The following GRIK2 variants were observed in gnomAD, a reference collection of about 807,000 sequenced individuals.
GRIK2 encodes glutamate receptor ionotropic, kainate 2.
A neutral mutation model predicts 100.3 loss-of-function variants in GRIK2; 32 were observed. The observed-to-expected ratio is 0.32, with a 90% CI of 0.24 to 0.43. The LOEUF (loss-of-function observed/expected upper bound fraction) is 0.43, where lower values mean the gene tolerates loss of function less well. Among genes scored for constraint, GRIK2 ranks in the 20% least tolerant of loss-of-function variants. GRIK2 has a pLI of 1.00. For missense variants in GRIK2, 843 were observed against 1,114.9 expected (o/e 0.76, Z 3.47); for synonymous variants, 417 against 389.4 (o/e 1.07, Z -0.83).
intron 2 of GRIK2, among the ~76,000 whole-genome samples, chr6:101,463,689 A>C (rs1456739728): frequency 6.6e-6 from 1 of 152,154 alleles, no homozygotes; most frequent in Non-Finnish European, 1.5e-5. Context: ...CGTTGCCTCT[A>C]TCCAAGGATG....
intron 2 of GRIK2, among the ~76,000 whole-genome samples, chr6:101,545,017 A>G (rs1288409070): frequency 6.6e-6 from 1 of 152,190 alleles, no homozygotes; most frequent in Non-Finnish European, 1.5e-5. Context: ...TATTTCTCTA[A>G]GTAGTATGTT....
At chr6:101,764,655 T>TTGAGGTC (rs1583103095) in intron 7 of GRIK2, among the ~76,000 whole-genome samples, 1 of 152,080 alleles carries the variant, frequency 6.6e-6, no homozygotes, top group East Asian at 1.9e-4. Context: ...ATCATCATTG[T>TTGAGGTC]TATTATTTTA....
At chr6:101,800,809 G>A (rs1340475017) in intron 8 of GRIK2, among the ~76,000 whole-genome samples, 1 of 152,050 alleles carries the variant, frequency 6.6e-6, no homozygotes, top group Non-Finnish European at 1.5e-5. Flanking sequence ...GCGAGATGAA[G>A]AATTGATTTT....
intron 2 of GRIK2, among the ~76,000 whole-genome samples, chr6:101,417,978 T>C (rs1451226121): frequency 3.9e-5 from 6 of 152,244 alleles, no homozygotes; most frequent in Non-Finnish European, 8.8e-5. Flanking sequence ...AGGTTAGCTC[T>C]ATGTTCTACA....
chr6:101,652,691 G>A (rs1781857277), intron 4 of GRIK2, among the ~76,000 whole-genome samples: 1 of 151,998 alleles, frequency 6.6e-6, no homozygotes, highest in Admixed American at 6.6e-5. Flanking sequence ...AGAGAAGGAA[G>A]ACTTAATAAT....
At chr6:101,589,819 T>C (rs1185023106) in intron 2 of GRIK2, among the ~76,000 whole-genome samples, 2 of 152,192 alleles carry the variant, frequency 1.3e-5, no homozygotes, top group African/African-American at 4.8e-5. Context: ...ATTAAATATA[T>C]CTGGAGCCAT....
chr6:101,678,960 T>C (rs1397384381), intron 5 of GRIK2, among the ~76,000 whole-genome samples: 1 of 152,210 alleles, frequency 6.6e-6, no homozygotes, highest in Non-Finnish European at 1.5e-5. Context: ...TGAGTAGATT[T>C]CCTCTGAGGC....
chr6:101,903,178 G>A (rs1270197459), intron 12 of GRIK2, among the ~76,000 whole-genome samples: 2 of 151,936 alleles, frequency 1.3e-5, no homozygotes, highest in South Asian at 2.1e-4. Flanking sequence ...TTATTAACTA[G>A]AATTATTTTG....
At chr6:101,436,368 AT>A (rs34416859) in intron 2 of GRIK2, among the ~76,000 whole-genome samples, 47 of 150,374 alleles carry the variant, frequency 3.1e-4, no homozygotes, top group Middle Eastern at 3.4e-3. Context: ...AAAGATAATG[AT>A]TTTTTTTTTA....
chr6:101,453,085 C>CA (rs1770799309), intron 2 of GRIK2, among the ~76,000 whole-genome samples: 1 of 151,878 alleles, frequency 6.6e-6, no homozygotes, highest in Admixed American at 6.6e-5. Flanking sequence ...TTAAAGTTTT[C>CA]AAAATGGAAT....
rs1319681077 is a variant in GRIK2 at position 101,873,411 on chromosome 6, C to G, written c.1524+13918C>G. Among the ~76,000 whole-genome samples, 5 of 151,928 alleles carry G rather than the reference C, an allele frequency of 3.3e-5. No individual in the cohort carries two copies. The South Asian group carries it at 1.0e-3, about 32-fold the overall frequency. ...GTTTCCAGCTTCATCCATGTCCCTA[C>G]AAAGGACATGAACTCATCCTTTTTT... On this transcript the variant is annotated intron_variant, in intron 11 of 16. Transcript: ENST00000369134.
At chr6:101,982,868 C>A (rs1226900114) in intron 14 of GRIK2, among the ~76,000 whole-genome samples, 1 of 151,568 alleles carries the variant, frequency 6.6e-6, no homozygotes, top group Non-Finnish European at 1.5e-5. Context: ...AGCATGGGAG[C>A]CAAACATGGT....
chr6:101,646,600 A>G (rs546959611), intron 4 of GRIK2, among the ~76,000 whole-genome samples: 1 of 151,990 alleles, frequency 6.6e-6, no homozygotes, highest in East Asian at 1.9e-4. Flanking sequence ...TAAGAATAAC[A>G]TATTAAATTG....
At chr6:101,942,578 G>A (rs1791022423) in intron 14 of GRIK2, among the ~76,000 whole-genome samples, 1 of 152,176 alleles carries the variant, frequency 6.6e-6, no homozygotes, top group African/African-American at 2.4e-5. Flanking sequence ...GGGAACTGGA[G>A]TACAGGTCAC....
intron 2 of GRIK2, among the ~76,000 whole-genome samples, chr6:101,442,168 C>T (rs1770107849): frequency 6.6e-6 from 1 of 152,108 alleles, no homozygotes; most frequent in African/African-American, 2.4e-5. Flanking sequence ...AGGACTGTCT[C>T]CTTAGTTCAG....
intron 10 of GRIK2, among the ~76,000 whole-genome samples, chr6:101,837,134 G>A (rs908385712): frequency 1.3e-5 from 2 of 152,012 alleles, no homozygotes; most frequent in African/African-American, 4.8e-5. Context: ...GTCATCTGAC[G>A]GTTAGACTTC....
intron 7 of GRIK2, among the ~76,000 whole-genome samples, chr6:101,755,253 G>A (rs1777061901): frequency 1.5e-5 from 2 of 131,740 alleles, no homozygotes; most frequent in African/African-American, 5.8e-5. Flanking sequence ...TGCAAGCTCC[G>A]CTTCCCGGGT....
intron 8 of GRIK2, 119 bp from the exon 9 acceptor site, chr6:101,802,212 T>C: frequency 2.4e-6 from 1 of 412,802 alleles, no homozygotes; most frequent in Non-Finnish European, 4.3e-6. Flanking sequence ...TAAAATATTT[T>C]AAAAATCTCT....
Position 101,807,413 on chromosome 6 carries a change from G to A in GRIK2, c.1203+4975G>A, listed in dbSNP as rs756134785. Among the ~76,000 whole-genome samples the A allele has an allele frequency of 2.3e-4, 35 of 151,708 alleles. 1 individual carries two copies. Among genetic ancestry groups the A allele is most frequent in the Non-Finnish European group, 4.1e-4 (28 of 67,860 alleles). ...TTCTATTTATAAATGTTCCTTTTTT[G>A]TCCTTACAAGTTACAGTATGGAAAT... On this transcript the variant is annotated intron_variant, in intron 9 of 16. Coordinates refer to ENST00000369134, the MANE Select transcript of GRIK2 (RefSeq NM_021956.5).
Sources: gnomAD v4.1 joint callset for allele counts (sites outside exome capture counted in the v4.1 genomes callset) on GRCh38, gnomAD v4.1.1 for gene constraint, MANE v1.5 for transcripts, NCBI Gene and HGNC (gene_info 2026-07-23, HGNC 2026-07-21) for gene names.